MTAP: variants seen among roughly 807,000 people sequenced by gnomAD.
The protein encoded by MTAP is S-methyl-5'-thioadenosine phosphorylase.
MTAP carries 33 observed loss-of-function variants against 33.6 expected under a neutral mutation model. The observed-to-expected ratio is 0.98, with a 90% confidence interval of 0.74 to 1.31. MTAP has a LOEUF of 1.31. MTAP is among the 40% of genes most tolerant of loss of function. The probability of loss-of-function intolerance (pLI) is 0.00; values close to 1 mark genes in which losing one functional copy is unlikely to be tolerated. For missense variants in MTAP, 367 were observed against 360.0 expected, an observed-to-expected ratio of 1.02 and a Z score of -0.16; for synonymous variants, 148 against 125.7, an observed-to-expected ratio of 1.18 and a Z score of -1.19.
chr9:21,802,991 C>CACACACACACAT (rs1205766126), intron 1 of MTAP: 2 of 528,080 alleles, frequency 3.8e-6, no homozygotes, highest in Non-Finnish European at 5.1e-6. Flanking sequence ...CGCCAACACA[C>CACACACACACAT]ACACACACAC....
chr9:21,921,945 C>A (rs932202617), intron 1 of MTAP, among the ~76,000 whole-genome samples: 3 of 152,104 alleles, frequency 2.0e-5, no homozygotes, highest in Admixed American at 6.5e-5. Context: ...GCCCATCCCC[C>A]ACCAGTAATG....
chr9:21,931,207 C>G, downstream of MTAP: 1 of 718,084 alleles, frequency 1.4e-6, no homozygotes, highest in Non-Finnish European at 2.5e-6. Flanking sequence ...TAGCAAGAGG[C>G]CAAGACCCAC....
intron 1 of MTAP, among the ~76,000 whole-genome samples, chr9:21,929,058 A>G (rs1202837832): frequency 6.6e-6 from 1 of 152,092 alleles, no homozygotes; most frequent in Non-Finnish European, 1.5e-5. Flanking sequence ...TTGAAACCCC[A>G]AATTCCTAAC....
rs956241487 is a variant in MTAP at position 21,846,450 on chromosome 9, G to A, written c.451-8181G>A. 2.0e-5 allele frequency among the ~76,000 whole-genome samples: 3 copies of A among 150,052 alleles called. No individual in the cohort carries two copies. The East Asian group carries it at 5.8e-4, about 29-fold the overall frequency. On this transcript the variant is annotated intron_variant, in intron 5 of 7. Coordinates refer to ENST00000644715, the MANE Select transcript of MTAP (RefSeq NM_002451.4). ...AAAAAGGTCGCTAAGTACATGAATA[G>A]ACAATTTTCAAAACACATGGCCAAC... is the stretch of plus-strand genomic sequence containing the variant.
intron 5 of MTAP, among the ~76,000 whole-genome samples, chr9:21,843,834 A>G (rs1005977578): frequency 6.6e-6 from 1 of 152,316 alleles, no homozygotes; most frequent in East Asian, 1.9e-4. Flanking sequence ...TCACACTTCA[A>G]GGAACTAGAA....
At chr9:21,825,490 G>C (rs115598760) in intron 4 of MTAP, among the ~76,000 whole-genome samples, 17 of 152,044 alleles carry the variant, frequency 1.1e-4, no homozygotes, top group Admixed American at 9.8e-4. Context: ...AGTATACAAG[G>C]GTTCTGTTTT....
At chr9:21,835,491 T>C (rs1825083056) in intron 4 of MTAP, among the ~76,000 whole-genome samples, 1 of 152,178 alleles carries the variant, frequency 6.6e-6, no homozygotes, top group Non-Finnish European at 1.5e-5. Flanking sequence ...TATTTCTATA[T>C]TGAAATATGA....
chr9:21,874,194 A>C (rs1235707216), intron 1 of MTAP, among the ~76,000 whole-genome samples: 1 of 152,174 alleles, frequency 6.6e-6, no homozygotes, highest in Non-Finnish European at 1.5e-5. Context: ...CCTGTCTGCC[A>C]CCCGGCTTCA....
At chr9:21,927,902 G>T (rs1190289993) in intron 1 of MTAP, among the ~76,000 whole-genome samples, 10 of 152,214 alleles carry the variant, frequency 6.6e-5, no homozygotes, top group African/African-American at 2.4e-4. Context: ...TCCAATCTTA[G>T]AGCTACTAGA....
rs1825803275 is a variant in MTAP, at chr9:21,863,838, A to G, written c.*1824A>G. The G allele has an allele frequency of 1.0e-6, 1 of 985,852 alleles. No individual in the cohort carries two copies. Among genetic ancestry groups the G allele is most frequent in the Non-Finnish European group, 1.2e-6 (1 of 829,934 alleles). The allele number at this position is 985,852 out of a possible 1,614,324, so 61.1% of individuals were successfully genotyped here. On this transcript the variant is annotated 3_prime_UTR_variant, in exon 8 of 8. Transcript: ENST00000644715. Reference sequence around the variant, plus strand: ...AGATAATAAGCTGCTAATTGTAAACAAAACAGTTACCCTCCAGTATTAATA... The same window carrying G: ...AGATAATAAGCTGCTAATTGTAAACGAAACAGTTACCCTCCAGTATTAATA...
At chr9:21,897,818 A>G (rs545892988) in intron 1 of MTAP, among the ~76,000 whole-genome samples, 1 of 152,298 alleles carries the variant, frequency 6.6e-6, no homozygotes, top group South Asian at 2.1e-4. Context: ...ACAGTAATTT[A>G]TAGATTCAAT....
intron 1 of MTAP, among the ~76,000 whole-genome samples, chr9:21,803,955 A>G (rs1016212370): frequency 6.6e-6 from 1 of 152,194 alleles, no homozygotes. Context: ...CTTATATATG[A>G]AACTTATTTT....
chr9:21,814,382 C>T (rs772734718), intron 1 of MTAP, among the ~76,000 whole-genome samples: 4 of 151,818 alleles, frequency 2.6e-5, no homozygotes, highest in African/African-American at 4.8e-5. Flanking sequence ...ATTTAGTTAC[C>T]CTTGTGACAA....
chr9:21,877,038 G>A (rs866544655), intron 1 of MTAP, among the ~76,000 whole-genome samples: 4 of 152,118 alleles, frequency 2.6e-5, no homozygotes, highest in African/African-American at 9.6e-5. Context: ...ATTTCCTTGA[G>A]CATTGTTTTG....
chr9:21,933,398 A>G (rs953955434), downstream of MTAP: 2 of 152,188 alleles, frequency 1.3e-5, no homozygotes, highest in African/African-American at 4.8e-5. Context: ...ACTCTTAACC[A>G]ATGGAGAAGG....
rs1825801373 is a variant in MTAP at position 21,863,744 on chromosome 9, A to G, written c.*1730A>G. The G allele has an allele frequency of 1.0e-6, 1 of 985,902 alleles. No individual in the cohort carries two copies. Among genetic ancestry groups the G allele is most frequent in the Non-Finnish European group, 1.2e-6 (1 of 829,942 alleles). 61.1% of individuals were successfully genotyped at this position (985,902 alleles called of 1,614,324 possible). On this transcript the variant is annotated 3_prime_UTR_variant, in exon 8 of 8. Transcript: ENST00000644715. The stretch of plus-strand genomic sequence containing the variant: ...TATTACAGGATACTTCAGGATCAAG[A>G]TACAGAACCTTTTATTTAAAGAGTT...
At chr9:21,902,077 G>A (rs1425918835) in intron 1 of MTAP, among the ~76,000 whole-genome samples, 1 of 152,204 alleles carries the variant, frequency 6.6e-6, no homozygotes, top group Non-Finnish European at 1.5e-5. Flanking sequence ...ATCTCCAGCT[G>A]AGTCAAGCAA....
At chr9:21,806,557 G>C (rs979472543) in intron 1 of MTAP, among the ~76,000 whole-genome samples, 2 of 152,074 alleles carry the variant, frequency 1.3e-5, no homozygotes, top group African/African-American at 4.8e-5. Context: ...AAGCCACCTG[G>C]AGTGAGAGTA....
At chr9:21,831,940 A>T (rs1052433852) in intron 4 of MTAP, among the ~76,000 whole-genome samples, 4 of 152,166 alleles carry the variant, frequency 2.6e-5, no homozygotes, top group African/African-American at 9.7e-5. Flanking sequence ...ATGCCTTCTC[A>T]AAGAATGCAG....
Sources: allele counts gnomAD v4.1 joint callset (sites outside exome capture counted in the v4.1 genomes callset), GRCh38; gene constraint gnomAD v4.1.1; transcripts MANE v1.5; gene names NCBI Gene and HGNC (gene_info 2026-07-23, HGNC 2026-07-21).